The following DCTN1 variants were observed in gnomAD, a reference collection of about 807,000 sequenced individuals.
DCTN1 encodes 150 kDa dynein-associated polypeptide.
A neutral mutation model predicts 161.2 loss-of-function variants in DCTN1; 61 were observed. The observed-to-expected ratio is 0.38, with a 90% CI of 0.31 to 0.47. The LOEUF is 0.47. Ranked by LOEUF, DCTN1 falls within the 20% of genes least tolerant of loss-of-function variation. The pLI is 0.99. For synonymous variants in DCTN1, 653 were observed against 632.4 expected, an observed-to-expected ratio of 1.03 and a Z score of -0.49; for missense variants, 1,404 against 1,623.7, an observed-to-expected ratio of 0.86 and a Z score of 2.33.
At chr2:74,389,056 A>G (rs1483588985) in intron 1 of DCTN1, among the ~76,000 whole-genome samples, 4 of 152,158 alleles carry the variant, frequency 2.6e-5, no homozygotes, top group Non-Finnish European at 5.9e-5. Flanking sequence ...TTCAGGGTAA[A>G]AGAACCACAG....
intron 7 of DCTN1, 117 bp from the exon 8 acceptor site, chr2:74,371,845 G>A: frequency 1.2e-6 from 1 of 822,604 alleles, no homozygotes; most frequent in Non-Finnish European, 2.0e-6. Context: ...GGAAAAAGCA[G>A]AAAGAGAGTA....
intron 1 of DCTN1, among the ~76,000 whole-genome samples, chr2:74,387,270 T>A (rs941883097): frequency 2.0e-5 from 3 of 152,202 alleles, no homozygotes; most frequent in Admixed American, 2.0e-4. Context: ...CATTCTCTCC[T>A]ACCCTTGCAC....
chr2:74,376,848 G>T, intron 4 of DCTN1, 86 bp from the exon 5 acceptor site: 3 of 1,267,122 alleles, frequency 2.4e-6, no homozygotes, highest in South Asian at 2.6e-5. Context: ...ACACAGGTTA[G>T]ACGCGGGTAG....
At chr2:74,367,318 C>G (rs1297044400) in intron 19 of DCTN1, 34 bp downstream of exon 19, 1 of 1,612,228 alleles carries the variant, frequency 6.2e-7, no homozygotes, top group South Asian at 1.1e-5. Context: ...TTCTGATCTC[C>G]ACGGGGGCTC....
chr2:74,388,585 C>T (rs886383873), intron 1 of DCTN1, among the ~76,000 whole-genome samples: 2 of 152,224 alleles, frequency 1.3e-5, no homozygotes, highest in African/African-American at 4.8e-5. Flanking sequence ...ACTCTCCTGG[C>T]TTCTCCATGT....
chr2:74,378,393 C>T (rs1321281216), intron 1 of DCTN1, 148 bp from the exon 2 acceptor site: 2 of 918,558 alleles, frequency 2.2e-6, no homozygotes, highest in African/African-American at 3.4e-5. Flanking sequence ...GGGTGGACCC[C>T]CAAATTCCCC....
In DCTN1 at chr2:74,366,842, T is replaced by G; in HGVS notation, c.2407A>C (p.Arg803=). Reference sequence around the variant, plus strand: ...GGAGCATCTGTCCCTGGCATTCGCCTTCGGATCTTCTTGCAGAACTGGCGG... The same window carrying G: ...GGAGCATCTGTCCCTGGCATTCGCCGTCGGATCTTCTTGCAGAACTGGCGG... ...DIRQFCKKIR[R]RMPGTDAPGI... Residue 803 remains arginine (R), a synonymous_variant, in exon 21 of 32, where the codon AGG becomes CGG. Transcript: ENST00000628224. The G allele has an allele frequency of 6.2e-7, 1 of 1,614,244 alleles. No homozygotes were observed. The highest frequency in any genetic ancestry group is 1.7e-5 in the Admixed American group (1 of 60,028).
At chr2:74,368,223 G>A (rs1041733560) in intron 16 of DCTN1, 92 bp from the exon 17 acceptor site, 2 of 1,507,650 alleles carry the variant, frequency 1.3e-6, no homozygotes, top group Admixed American at 4.0e-5. Flanking sequence ...AACTATGTGG[G>A]GAGCATGGAC....
chr2:74,361,392 G>T lies in DCTN1; in HGVS notation c.*107C>A. ...GGAGTGAAGCTGAACGGGGCAGGAA[G>T]AGCTTAACCCACGTTTCTACCTGGG... On this transcript the variant is annotated 3_prime_UTR_variant, in exon 32 of 32. Transcript: ENST00000628224. The T allele has an allele frequency of 6.6e-7, 1 of 1,522,612 alleles. No individual in the cohort carries two copies. Among genetic ancestry groups the T allele is most frequent in the Non-Finnish European group, 9.0e-7 (1 of 1,111,460 alleles). The allele number at this position is 1,522,612 out of a possible 1,614,324, so 94.3% of individuals were successfully genotyped here. A position where few individuals can be genotyped will look rare whatever the true frequency, so the allele number is the denominator to read the frequency against.
chr2:74,363,639 G>A lies in DCTN1; in HGVS notation c.3197-11C>T, dbSNP rs374292466. ...CTCGCTGCTGTTCTTCTGTGCTCGG[G>A]ATAGCCCATGGGGGAGCAGGAAAAG... On this transcript the variant is annotated splice_polypyrimidine_tract_variant and intron_variant, in intron 26 of 31. Transcript: ENST00000628224. The A allele has an allele frequency of 1.9e-6, 3 of 1,613,622 alleles. No homozygotes were observed. The South Asian group carries it at 3.3e-5, about 18-fold the overall frequency.
chr2:74,391,312 T>C (rs1157561800), intron 1 of DCTN1: 1 of 174,344 alleles, frequency 5.7e-6, no homozygotes, highest in East Asian at 1.7e-4. Flanking sequence ...TGTGGTTCTG[T>C]CTAAAGACAA....
chr2:74,374,250 A>ACCCCCC, intron 6 of DCTN1, 73 bp downstream of exon 6: 1 of 717,026 alleles, frequency 1.4e-6, no homozygotes, highest in Non-Finnish European at 2.2e-6. Flanking sequence ...ATCAGCCCCC[A>ACCCCCC]CCCCCACCCC....
In DCTN1 at chr2:74,362,145, G is replaced by C; in HGVS notation, c.3610-4C>G. On this transcript the variant is annotated splice_region_variant and splice_polypyrimidine_tract_variant and intron_variant, in intron 30 of 31. Transcript: ENST00000628224. Reference sequence around the variant, plus strand: ...CTGTCTCCTTGAGGACCTCATCCTAGGGAAGGGGAGAGGAAGACAAGGGTT... The same window carrying C: ...CTGTCTCCTTGAGGACCTCATCCTACGGAAGGGGAGAGGAAGACAAGGGTT... The C allele has an allele frequency of 1.9e-6, 3 of 1,613,326 alleles. No homozygotes were observed. The highest frequency in any genetic ancestry group is 2.5e-6 in the Non-Finnish European group (3 of 1,179,484).
At chr2:74,377,937 A>T in intron 2 of DCTN1, 63 bp downstream of exon 2, 1 of 1,607,632 alleles carries the variant, frequency 6.2e-7, no homozygotes, top group Non-Finnish European at 8.5e-7. Flanking sequence ...GTACCAACAC[A>T]TCAGCTGCAC....
chr2:74,371,948 G>A, intron 7 of DCTN1: 1 of 563,490 alleles, frequency 1.8e-6, no homozygotes. Context: ...GGGGAGGATG[G>A]AGGCAGAGGA....
intron 26 of DCTN1, 133 bp downstream of exon 26, chr2:74,364,942 G>C: frequency 8.6e-7 from 1 of 1,166,958 alleles, no homozygotes; most frequent in Non-Finnish European, 1.3e-6. Context: ...CTGGCACAGA[G>C]TGAAACTGTG....
intron 18 of DCTN1, 105 bp from the exon 19 acceptor site, chr2:74,367,525 A>G: frequency 6.7e-7 from 1 of 1,488,894 alleles, no homozygotes; most frequent in Non-Finnish European, 9.3e-7. Flanking sequence ...CTGGAGGTAC[A>G]AGAGAATCCA....
At chr2:74,381,145 G>A (rs899843150), upstream of DCTN1, among the ~76,000 whole-genome samples, 4 of 152,192 alleles carry the variant, frequency 2.6e-5, no homozygotes, top group African/African-American at 9.7e-5. Flanking sequence ...GCATTCTAAT[G>A]AGAGGTCTCC....
chr2:74,363,127 T>C lies in DCTN1; in HGVS notation c.3396A>G (p.Ala1132=). Residue 1132 remains alanine (A), a synonymous_variant, in exon 29 of 32, where the codon GCA becomes GCG. Transcript: ENST00000628224. ...TGCCAGGGCCCTCATGGGATAGCTT[T>C]GCAACATGCAGAGGGGGCAGGGATG... The part of the protein sequence containing the change: ...SLASLPPLHV[A]KLSHEGPGSE... The C allele has an allele frequency of 6.2e-7, 1 of 1,614,072 alleles. No homozygotes were observed. Among genetic ancestry groups the C allele is most frequent in the Non-Finnish European group, 8.5e-7 (1 of 1,179,972 alleles).
Sources: gnomAD v4.1 joint callset for allele counts (sites outside exome capture counted in the v4.1 genomes callset) on GRCh38, gnomAD v4.1.1 for gene constraint, MANE v1.5 for transcripts, NCBI Gene and HGNC (gene_info 2026-07-23, HGNC 2026-07-21) for gene names.